Variants in TDRD3 observed in about 807,000 individuals in gnomAD.
TDRD3 encodes the protein tudor domain containing 3, also known as tudor domain-containing protein 3.
TDRD3 carries 45 observed loss-of-function variants against 86.7 expected under a neutral mutation model. The observed-to-expected ratio is 0.52, with a 90% CI of 0.41 to 0.67. TDRD3 has a LOEUF of 0.67. TDRD3 is among the 30% of genes least tolerant of loss of function. The pLI is 0.00. For missense variants in TDRD3, 814 were observed against 889.0 expected (o/e 0.92, Z 1.07); for synonymous variants, 298 against 301.7 (o/e 0.99, Z 0.13).
intron 1 of TDRD3, among the ~76,000 whole-genome samples, chr13:60,439,295 G>A (rs369670025): frequency 3.2e-4 from 48 of 152,194 alleles, no homozygotes; most frequent in African/African-American, 1.1e-3. Flanking sequence ...GTTTAAAACA[G>A]TGTTTATTTT....
At chr13:60,545,230 C>G (rs1957913045) in intron 12 of TDRD3, among the ~76,000 whole-genome samples, 1 of 152,120 alleles carries the variant, frequency 6.6e-6, no homozygotes, top group South Asian at 2.1e-4. Context: ...GGAACCATTG[C>G]TGGCATGGGT....
intron 1 of TDRD3, among the ~76,000 whole-genome samples, chr13:60,437,738 C>T (rs547663247): frequency 2.0e-5 from 3 of 152,028 alleles, no homozygotes; most frequent in South Asian, 4.2e-4. Flanking sequence ...CATACTATTT[C>T]CCTCTTGTGT....
intron 10 of TDRD3, among the ~76,000 whole-genome samples, chr13:60,516,759 C>G (rs566290961): frequency 6.6e-6 from 1 of 152,306 alleles, no homozygotes; most frequent in Admixed American, 6.5e-5. Context: ...GCAACAGCAT[C>G]CTCCACTCAC....
intron 3 of TDRD3, among the ~76,000 whole-genome samples, chr13:60,458,229 G>A (rs549586875): frequency 2.8e-4 from 43 of 152,256 alleles, no homozygotes; most frequent in African/African-American, 1.0e-3. Context: ...CCTGCCCTGT[G>A]TTTGCATCAA....
intron 12 of TDRD3, chr13:60,536,311 A>G (rs1338529189): frequency 6.6e-6 from 1 of 152,074 alleles, no homozygotes; most frequent in Non-Finnish European, 1.5e-5. Context: ...CTTTTACAAC[A>G]TAAGATTGCT....
intron 12 of TDRD3, among the ~76,000 whole-genome samples, chr13:60,560,432 C>T (rs988067718): frequency 6.6e-6 from 1 of 152,168 alleles, no homozygotes; most frequent in Non-Finnish European, 1.5e-5. Flanking sequence ...TTCTCTCCTA[C>T]TGTCTTTTTT....
intron 12 of TDRD3, among the ~76,000 whole-genome samples, chr13:60,551,152 A>G (rs889753850): frequency 6.6e-6 from 1 of 152,200 alleles, no homozygotes; most frequent in African/African-American, 2.4e-5. Flanking sequence ...TGGTCAGTCT[A>G]ATTCTCTTCT....
intron 4 of TDRD3, among the ~76,000 whole-genome samples, chr13:60,463,673 A>T (rs1955851864): frequency 6.6e-6 from 1 of 152,154 alleles, no homozygotes; most frequent in African/African-American, 2.4e-5. Flanking sequence ...AAAACAAAAA[A>T]ACAAAAAATC....
At chr13:60,444,808 A>G in intron 3 of TDRD3, 60 bp downstream of exon 3, 1 of 982,880 alleles carries the variant, frequency 1.0e-6, no homozygotes, top group Non-Finnish European at 1.5e-6. Flanking sequence ...TATGAACTAA[A>G]TTACTGGAAT....
At chr13:60,402,117 C>A (rs551148917) in intron 1 of TDRD3, among the ~76,000 whole-genome samples, 7 of 152,312 alleles carry the variant, frequency 4.6e-5, no homozygotes, top group South Asian at 4.1e-4. Flanking sequence ...AGATGAAGGG[C>A]TTCTTTTCAC....
chr13:60,459,056 G>T (rs1955743507), intron 3 of TDRD3, among the ~76,000 whole-genome samples: 1 of 152,090 alleles, frequency 6.6e-6, no homozygotes, highest in African/African-American at 2.4e-5. Context: ...TGAAATTTTA[G>T]ATTATCTTTT....
At chr13:60,553,094 C>G (rs1286913255) in intron 12 of TDRD3, among the ~76,000 whole-genome samples, 1 of 152,220 alleles carries the variant, frequency 6.6e-6, no homozygotes, top group Admixed American at 6.5e-5. Context: ...AACTCTTACC[C>G]AGAAAATGGG....
intron 6 of TDRD3, among the ~76,000 whole-genome samples, chr13:60,485,510 C>T (rs538111247): frequency 6.6e-6 from 1 of 151,936 alleles, no homozygotes; most frequent in Admixed American, 6.6e-5. Flanking sequence ...TTATTTATTA[C>T]CCTAAAATGA....
intron 3 of TDRD3, among the ~76,000 whole-genome samples, chr13:60,453,498 T>G (rs1020200847): frequency 3.3e-4 from 49 of 148,262 alleles, no homozygotes; most frequent in Middle Eastern, 7.0e-3. Flanking sequence ...TTTAATCAGT[T>G]GAACTCAAAA....
At chr13:60,512,733 T>C (rs573792565) in intron 10 of TDRD3, among the ~76,000 whole-genome samples, 54 of 152,336 alleles carry the variant, frequency 3.5e-4, no homozygotes, top group African/African-American at 1.2e-3. Context: ...ATCTAGGTTA[T>C]ACGGATGAAA....
chr13:60,559,053 A>G (rs1182999789), intron 12 of TDRD3, among the ~76,000 whole-genome samples: 2 of 149,660 alleles, frequency 1.3e-5, no homozygotes, highest in East Asian at 2.0e-4. Context: ...CTATCAGTCT[A>G]TTTAGTTTAA....
chr13:60,458,394 CAA>C (rs1421592447), intron 3 of TDRD3, among the ~76,000 whole-genome samples: 2 of 152,156 alleles, frequency 1.3e-5, no homozygotes, highest in African/African-American at 2.4e-5. Flanking sequence ...TGAAAGCAAA[CAA>C]GAGAAGGTGT....
intron 3 of TDRD3, among the ~76,000 whole-genome samples, chr13:60,447,743 C>T (rs1955437151): frequency 6.6e-6 from 1 of 152,132 alleles, no homozygotes; most frequent in Non-Finnish European, 1.5e-5. Flanking sequence ...CTACTAAGTT[C>T]CAAGCCCATC....
At position 60,437,220 on chromosome 13, in the gene TDRD3, G is replaced by A. The variant is rs143952293; in HGVS notation, c.42-2468G>A. On this transcript the variant is annotated intron_variant, in intron 1 of 13. Transcript: ENST00000377881. ...CGGCTCACTGCAACCTCTGCCTCCC[G>A]GGTTCAAGCAATTATCCTGCCTCAG... Among the ~76,000 whole-genome samples, 1,050 of 142,656 alleles carry A rather than the reference G, an allele frequency of 7.4e-3. 14 individuals are homozygous for A. The highest frequency in any genetic ancestry group is 0.026 in the African/African-American group (990 of 38,566). The allele number at this position is 142,656 out of a possible 152,430, so 93.6% of individuals were successfully genotyped here.
Sources: allele counts gnomAD v4.1 joint callset (sites outside exome capture counted in the v4.1 genomes callset), GRCh38; gene constraint gnomAD v4.1.1; transcripts MANE v1.5; gene names NCBI Gene and HGNC (gene_info 2026-07-23, HGNC 2026-07-21).